MANF: variants seen among roughly 807,000 people sequenced by gnomAD.
MANF encodes the protein mesencephalic astrocyte derived neurotrophic factor.
In MANF, 9 loss-of-function variants were observed where a neutral mutation model predicts 19.1. The observed-to-expected ratio is 0.47, with a 90% confidence interval of 0.28 to 0.82. The LOEUF is 0.82. Among genes scored for constraint, MANF ranks in the 40% least tolerant of loss-of-function variants. The probability of loss-of-function intolerance (pLI) is 0.10; values close to 1 mark genes in which losing one functional copy is unlikely to be tolerated. For missense variants in MANF, 225 were observed against 226.7 expected (o/e 0.99, Z 0.05); for synonymous variants, 89 against 88.0 (o/e 1.01, Z -0.06).
chr3:51,388,242 T>G (rs1345746837), intron 3 of MANF, among the ~76,000 whole-genome samples: 1 of 152,166 alleles, frequency 6.6e-6, no homozygotes, highest in Non-Finnish European at 1.5e-5. Flanking sequence ...AGAAGGGACA[T>G]AGTACGACTT....
chr3:51,388,759 A>T, intron 3 of MANF, 146 bp from the exon 4 acceptor site: 1 of 607,748 alleles, frequency 1.6e-6, no homozygotes, highest in South Asian at 2.3e-5. Flanking sequence ...GTAGGCACTG[A>T]CATGCCTGTA....
At position 51,387,849 on chromosome 3, in the gene MANF, A is replaced by C; in HGVS notation, c.335A>C (p.Lys112Thr). Residue 112 changes from lysine (K) to threonine (T), a missense_variant, in exon 3 of 4, where the codon AAG becomes ACG. Coordinates refer to ENST00000528157, the MANE Select transcript of MANF (RefSeq NM_006010.6). ...AAGATCTGTGAGAAGCTTAAGAAGA[A>C]GGACAGCCAGATATGTGAGCTTAAG... ...VEKICEKLKK[K>T]DSQICELKYD... The C allele has an allele frequency of 1.2e-6, 2 of 1,613,826 alleles. No homozygotes were observed.
Position 51,388,979 on chromosome 3 carries a change from T to G in MANF, c.439T>G (p.Trp147Gly). Residue 147 changes from tryptophan (W) to glycine (G), a missense_variant, in exon 4 of 4, where the codon TGG becomes GGG. By Grantham distance (184) the Trp-to-Gly change is radical. Coordinates refer to ENST00000528157, the MANE Select transcript of MANF (RefSeq NM_006010.6). ...AGAGCTGAAGAAGATTCTGGATGAC[T>G]GGGGGGAGACATGCAAAGGCTGTGC... The part of the protein sequence containing the change: ...VKELKKILDD[W>G]GETCKGCAEK... 2 of 1,605,810 alleles carry G rather than the reference T, an allele frequency of 1.2e-6. No individual in the cohort carries two copies. The highest frequency in any genetic ancestry group is 8.5e-7 in the Non-Finnish European group (1 of 1,175,868).
At position 51,385,400 on chromosome 3, in the gene MANF, C is replaced by T; in HGVS notation, c.58C>T (p.Pro20Ser). ...LAVALALSVL[P>S]GSRALRPGDC... is the part of the protein sequence containing the mutation. ...GGTGGCGCTGGCTCTGAGCGTGCTG[C>T]CGGGCAGCCGGGCGCTGCGGCCGGG... The change falls in exon 1 of 4, where the codon CCG (proline) becomes TCG (serine). Residue 20 changes from proline to serine, a missense_variant. Transcript: ENST00000528157. 1.6e-6 allele frequency: 2 copies of T among 1,237,766 alleles called. No individual in the cohort carries two copies. The highest frequency in any genetic ancestry group is 2.0e-6 in the Non-Finnish European group (2 of 989,166). The allele number at this position is 1,237,766 out of a possible 1,614,324, so 76.7% of individuals were successfully genotyped here.
intron 1 of MANF, 78 bp downstream of exon 1, chr3:51,385,514 G>A: frequency 2.1e-6 from 1 of 481,764 alleles, no homozygotes; most frequent in Non-Finnish European, 2.9e-6. Flanking sequence ...TCACCAGACG[G>A]CCGGGGCCAA....
chr3:51,385,440 C>G lies in MANF; in HGVS notation c.94+4C>G. On this transcript the variant is annotated splice_donor_region_variant and intron_variant, in intron 1 of 3. Transcript: ENST00000528157. ...CTGCGGCCGGGCGACTGCGAAGGTG[C>G]GGGATAGGGGGCCGGGGGCCGCGCT... 6.9e-6 allele frequency: 8 copies of G among 1,152,678 alleles called. No homozygotes were observed. Among genetic ancestry groups the G allele is most frequent in the Non-Finnish European group, 8.5e-6 (8 of 937,876 alleles). The allele number at this position is 1,152,678 out of a possible 1,614,324, so 71.4% of individuals were successfully genotyped here. A position where few individuals can be genotyped will look rare whatever the true frequency, so the allele number is the denominator to read the frequency against.
intron 2 of MANF, chr3:51,386,972 A>T (rs564005555): frequency 2.2e-6 from 1 of 456,740 alleles, no homozygotes. Flanking sequence ...GCATGTGTTA[A>T]GAGTCCAGGG....
At chr3:51,385,532 A>AGGGCGGGGGCGGGGGCGG (rs373377996) in intron 1 of MANF, 96 bp downstream of exon 1, 1 of 36,914 alleles carries the variant, frequency 2.7e-5, no homozygotes, top group Non-Finnish European at 6.9e-5. Context: ...CAAGAGGGCG[A>AGGGCGGGGGCGGGGGCGG]GGGCGGGGGC....
At chr3:51,386,009 C>G in intron 1 of MANF, 199 bp from the exon 2 acceptor site, 1 of 586,480 alleles carries the variant, frequency 1.7e-6, no homozygotes, top group South Asian at 2.0e-5. Context: ...CTTTGATGCC[C>G]TGGGTGTACC....
Position 51,389,209 on chromosome 3 carries a change from G to C in MANF, c.*120G>C, listed in dbSNP as rs1365605221. On this transcript the variant is annotated 3_prime_UTR_variant, in exon 4 of 4. Transcript: ENST00000528157. ...CTGACAATACTGTATCAGATGTGAA[G>C]CCTGGAGCTTTCCTGATGATGCTGG... The C allele has an allele frequency of 1.1e-5, 9 of 847,600 alleles. No individual in the cohort carries two copies. In the African/African-American group the frequency reaches 1.2e-4, roughly 11 times the overall value. 52.5% of individuals were successfully genotyped at this position (847,600 alleles called of 1,614,324 possible).
intron 1 of MANF, chr3:51,385,669 T>G: frequency 2.7e-6 from 1 of 369,036 alleles, no homozygotes; most frequent in Non-Finnish European, 4.8e-6. Flanking sequence ...TAGATCCCGT[T>G]GAAAACTTGT....
At chr3:51,385,904 G>T in intron 1 of MANF, 1 of 346,536 alleles carries the variant, frequency 2.9e-6, no homozygotes, top group Non-Finnish European at 5.3e-6. Flanking sequence ...AGGTCACAGT[G>T]AGTCCCGTCT....
intron 3 of MANF, among the ~76,000 whole-genome samples, chr3:51,388,207 A>C (rs782395725): frequency 6.6e-6 from 1 of 152,212 alleles, no homozygotes; most frequent in Non-Finnish European, 1.5e-5. Context: ...GCGTGAAGTT[A>C]GGAGCATTAG....
intron 2 of MANF, among the ~76,000 whole-genome samples, chr3:51,387,406 G>A (rs933375920): frequency 3.7e-4 from 57 of 152,008 alleles, no homozygotes; most frequent in Middle Eastern, 3.4e-3. Flanking sequence ...GCAGTGAGCC[G>A]AGCCAAGATT....
intron 2 of MANF, 41 bp from the exon 3 acceptor site, chr3:51,387,696 C>G (rs373787656): frequency 6.3e-7 from 1 of 1,592,858 alleles, no homozygotes; most frequent in Non-Finnish European, 8.6e-7. Context: ...GGAGATGGCT[C>G]TCAAGCACCT....
intron 2 of MANF, chr3:51,387,071 C>T (rs2088969886): frequency 2.6e-6 from 1 of 386,008 alleles, no homozygotes; most frequent in South Asian, 1.9e-5. Context: ...GCCTGTCTTC[C>T]TAGCACTTTG....
At chr3:51,388,536 T>G (rs2088985322) in intron 3 of MANF, among the ~76,000 whole-genome samples, 2 of 152,190 alleles carry the variant, frequency 1.3e-5, no homozygotes. Flanking sequence ...AGTTCCTAAC[T>G]CAAAGGCCTG....
chr3:51,388,390 T>G (rs1553621098), intron 3 of MANF, among the ~76,000 whole-genome samples: 1 of 152,200 alleles, frequency 6.6e-6, no homozygotes, highest in African/African-American at 2.4e-5. Flanking sequence ...GGGTCTCTGG[T>G]GTACATAGTC....
intron 1 of MANF, chr3:51,385,887 A>G: frequency 3.4e-6 from 1 of 295,304 alleles, no homozygotes; most frequent in Non-Finnish European, 6.3e-6. Flanking sequence ...CAGTCTCTCC[A>G]TTTATGAGGT....
Sources: gnomAD v4.1 joint callset for allele counts (sites outside exome capture counted in the v4.1 genomes callset) on GRCh38, gnomAD v4.1.1 for gene constraint, MANE v1.5 for transcripts, NCBI Gene and HGNC (gene_info 2026-07-23, HGNC 2026-07-21) for gene names.